ZNF91: variants seen among roughly 807,000 people sequenced by gnomAD.
ZNF91 encodes the protein zinc finger protein 91 (HPF7, HTF10).
Under a neutral mutation model 12.6 loss-of-function variants are expected in ZNF91, and 7 were observed. The ratio of observed to expected loss-of-function variants is 0.55; its 90% CI spans 0.31 to 1.04. The LOEUF is 1.04. Ranked by LOEUF, ZNF91 falls within the 50% of genes least tolerant of loss-of-function variation. The pLI, the probability that ZNF91 is intolerant of heterozygous loss-of-function variation, is 0.05. For synonymous variants in ZNF91, 453 were observed against 462.6 expected (o/e 0.98, Z 0.27); for missense variants, 1,217 against 1,385.4 (o/e 0.88, Z 1.93).
At chr19:23,374,918 T>G (rs1233645496) in intron 1 of ZNF91, among the ~76,000 whole-genome samples, 154 bp from the exon 2 acceptor site, 1 of 152,202 alleles carries the variant, frequency 6.6e-6, no homozygotes, top group Non-Finnish European at 1.5e-5. Context: ...CACACAAACG[T>G]TTTGTAATGT....
At chr19:23,310,982 G>C (rs1967461345), upstream of ZNF91, among the ~76,000 whole-genome samples, 1 of 152,110 alleles carries the variant, frequency 6.6e-6, no homozygotes, top group African/African-American at 2.4e-5. Context: ...CATATCACCT[G>C]GAAAATGTGA....
intron 1 of ZNF91, among the ~76,000 whole-genome samples, chr19:23,377,851 TATTTG>T (rs1317981728): frequency 1.3e-5 from 2 of 152,230 alleles, no homozygotes; most frequent in African/African-American, 2.4e-5. Context: ...GATAATTCAT[TATTTG>T]ATTTAATTCT....
intron 3 of ZNF91, among the ~76,000 whole-genome samples, chr19:23,346,700 T>G (rs1968239999): frequency 6.6e-6 from 1 of 152,170 alleles, no homozygotes; most frequent in Non-Finnish European, 1.5e-5. Flanking sequence ...CTCTCTAAAC[T>G]GCTTGAAGCC....
At chr19:23,349,228 A>G (rs2145023494) in intron 3 of ZNF91, among the ~76,000 whole-genome samples, 1 of 151,946 alleles carries the variant, frequency 6.6e-6, no homozygotes, top group East Asian at 1.9e-4. Flanking sequence ...CCCAATTCGT[A>G]CGCCCCTCCC....
chr19:23,359,399 T>G lies in ZNF91; in HGVS notation c.*4A>C, dbSNP rs377238175. ...CACCACGCCCGGCTAATTTTTTGTA[T>G]TTTTTAGTAGAGAAGGGGTTTCACT... On this transcript the variant is annotated 3_prime_UTR_variant, in exon 4 of 4. Transcript: ENST00000300619. 8.5e-4 allele frequency: 880 copies of G among 1,032,164 alleles called. 5 individuals carry two copies. The highest frequency in any genetic ancestry group is 7.6e-3 in the African/African-American group (465 of 61,180). 63.9% of individuals were successfully genotyped at this position (1,032,164 alleles called of 1,614,324 possible).
intron 3 of ZNF91, among the ~76,000 whole-genome samples, chr19:23,373,413 A>G (rs1969373253): frequency 6.8e-6 from 1 of 146,818 alleles, no homozygotes; most frequent in Admixed American, 6.9e-5. Flanking sequence ...AAACCTGTTT[A>G]AACTAATGAA....
At chr19:23,309,716 A>G (rs1967443818) in intron 1 of ZNF91, among the ~76,000 whole-genome samples, 1 of 152,196 alleles carries the variant, frequency 6.6e-6, no homozygotes, top group South Asian at 2.1e-4. Context: ...ACTGTCTGTC[A>G]TAGCTAGGTG....
rs566913941 is a variant in ZNF91, at chr19:23,320,146, G to A, written n.117-11049C>T. On this transcript the variant is annotated intron_variant and non_coding_transcript_variant, in intron 1 of 1. Coordinates refer to the ZNF91 transcript ENST00000596528. ...CACACGTAGACACAGTCTACAGATGGAATTGTGTCAGTCATATGTGAACAT... is the reference window on the plus strand; with the variant it reads ...CACACGTAGACACAGTCTACAGATGAAATTGTGTCAGTCATATGTGAACAT... 4.6e-5 allele frequency among the ~76,000 whole-genome samples: 7 copies of A among 152,246 alleles called. No individual in the cohort carries two copies. The South Asian group carries it at 1.5e-3, about 32-fold the overall frequency.
intron 3 of ZNF91, among the ~76,000 whole-genome samples, chr19:23,344,863 G>A (rs1053999849): frequency 6.6e-6 from 1 of 152,214 alleles, no homozygotes; most frequent in Admixed American, 6.5e-5. Flanking sequence ...TTGGCAGGAA[G>A]ACACATACCC....
At position 23,357,975 on chromosome 19, in the gene ZNF91, A is replaced by G. The variant is rs1416085952; in HGVS notation, c.*1428T>C. The G allele has an allele frequency of 1.3e-5, 2 of 152,188 alleles. No individual in the cohort carries two copies. The highest frequency in any genetic ancestry group is 4.8e-5 in the African/African-American group (2 of 41,446). 9.4% of individuals were successfully genotyped at this position (152,188 alleles called of 1,614,324 possible). Reference sequence around the variant, plus strand: ...GTCAAATACATTTAAATGAGAAAATAAAAATAAAAATTTAGCCTATGGGAA... The same window carrying G: ...GTCAAATACATTTAAATGAGAAAATGAAAATAAAAATTTAGCCTATGGGAA... On this transcript the variant is annotated 3_prime_UTR_variant, in exon 4 of 4. Coordinates refer to ENST00000300619, the MANE Select transcript of ZNF91 (RefSeq NM_003430.4).
At chr19:23,366,811 T>A (rs1969032307) in intron 3 of ZNF91, among the ~76,000 whole-genome samples, 1 of 152,208 alleles carries the variant, frequency 6.6e-6, no homozygotes, top group Non-Finnish European at 1.5e-5. Flanking sequence ...TCCTACCAGG[T>A]CCGACATCTA....
Position 23,361,656 on chromosome 19 carries a change from T to G in ZNF91, c.1323A>C (p.Lys441Asn). ...EKPYKCEECGKAFNWSSSLTK... is the reference protein window; with the variant it reads ...EKPYKCEECGNAFNWSSSLTK... Reference sequence around the variant, plus strand: ...TAAGGCTTGAGGACCAGTTAAATGCTTTGCCACATTCTTCACACTTGTAAG... The same window carrying G: ...TAAGGCTTGAGGACCAGTTAAATGCGTTGCCACATTCTTCACACTTGTAAG... Residue 441 changes from lysine to asparagine, a missense_variant, in exon 4 of 4, where the codon AAA becomes AAC. Physicochemically the swap from Lys to Asn is moderately conservative, Grantham distance 94 (BLOSUM62 0). Transcript: ENST00000300619. 1.2e-6 allele frequency: 2 copies of G among 1,613,732 alleles called. No individual in the cohort carries two copies. Among genetic ancestry groups the G allele is most frequent in the East Asian group, 4.5e-5 (2 of 44,832 alleles).
intron 1 of ZNF91, among the ~76,000 whole-genome samples, chr19:23,394,151 G>A (rs1050998936): frequency 6.6e-6 from 1 of 152,196 alleles, no homozygotes; most frequent in African/African-American, 2.4e-5. Flanking sequence ...AGTTAGGCTG[G>A]AGGAACAGGG....
At chr19:23,380,330 G>A (rs1297627382) in intron 1 of ZNF91, 1 of 141,284 alleles carries the variant, frequency 7.1e-6, no homozygotes. Flanking sequence ...CAGAAGGAGA[G>A]CTTGCAGGCC....
At chr19:23,310,477 G>C (rs1967453646) in intron 1 of ZNF91, 1 of 152,212 alleles carries the variant, frequency 6.6e-6, no homozygotes, top group South Asian at 2.1e-4. Flanking sequence ...CTCATGAGTG[G>C]ATTCAGTCCA....
chr19:23,350,129 T>C (rs947352559), intron 3 of ZNF91, among the ~76,000 whole-genome samples: 2 of 152,222 alleles, frequency 1.3e-5, no homozygotes, highest in African/African-American at 4.8e-5. Context: ...AGACTACTTA[T>C]TAGCAGAAAA....
intron 1 of ZNF91, chr19:23,326,001 GTC>G (rs3035153): frequency 0.19 from 28,605 of 152,090 alleles, 2,902 homozygotes; most frequent in Non-Finnish European, 0.21. Context: ...CTTGGCTCTT[GTC>G]TCTGTCTTCC....
intron 1 of ZNF91, among the ~76,000 whole-genome samples, chr19:23,384,351 C>T (rs1050275333): frequency 1.3e-5 from 2 of 152,096 alleles, no homozygotes; most frequent in African/African-American, 2.4e-5. Flanking sequence ...CAGGTGGCCT[C>T]GCTTCCCTGC....
chr19:23,324,949 A>T (rs1034560744), intron 1 of ZNF91: 3 of 151,488 alleles, frequency 2.0e-5, no homozygotes, highest in South Asian at 2.1e-4. Flanking sequence ...CTCTTGAGAG[A>T]GTGGATGTCA....
Sources: gnomAD v4.1 joint callset for allele counts (sites outside exome capture counted in the v4.1 genomes callset) on GRCh38, gnomAD v4.1.1 for gene constraint, MANE v1.5 for transcripts, NCBI Gene and HGNC (gene_info 2026-07-23, HGNC 2026-07-21) for gene names.